The following SLC4A10 variants were observed in gnomAD, a reference collection of about 807,000 sequenced individuals.
SLC4A10 encodes the protein solute carrier family 4 member 10.
A neutral mutation model predicts 137.7 loss-of-function variants in SLC4A10; 42 were observed. The observed-to-expected ratio is 0.30, with a 90% CI of 0.24 to 0.39. The LOEUF (loss-of-function observed/expected upper bound fraction) is 0.39. SLC4A10 is among the 10% of genes least tolerant of loss of function. The probability of loss-of-function intolerance (pLI) is 1.00; values close to 1 mark genes in which losing one functional copy is unlikely to be tolerated. For missense variants in SLC4A10, 925 were observed against 1,355.0 expected (o/e 0.68, Z 4.98); for synonymous variants, 474 against 464.1 (o/e 1.02, Z -0.27).
At chr2:161,792,793 A>G (rs543653187) in intron 2 of SLC4A10, among the ~76,000 whole-genome samples, 2 of 152,156 alleles carry the variant, frequency 1.3e-5, no homozygotes, top group Non-Finnish European at 2.9e-5. Flanking sequence ...TCCATTTCAC[A>G]TTCTTCATTC....
chr2:161,725,246 T>G (rs1189403190), intron 1 of SLC4A10, among the ~76,000 whole-genome samples: 1 of 152,192 alleles, frequency 6.6e-6, no homozygotes, highest in Non-Finnish European at 1.5e-5. Flanking sequence ...GTATGGCACA[T>G]TGACTAGAAG....
intron 1 of SLC4A10, among the ~76,000 whole-genome samples, chr2:161,746,029 C>G (rs2048350639): frequency 6.6e-6 from 1 of 152,100 alleles, no homozygotes; most frequent in Admixed American, 6.5e-5. Context: ...GTTGGGTCAC[C>G]TCTGAAGCCA....
At chr2:161,912,238 C>T (rs1275571689) in intron 15 of SLC4A10, among the ~76,000 whole-genome samples, 1 of 152,116 alleles carries the variant, frequency 6.6e-6, no homozygotes, top group African/African-American at 2.4e-5. Context: ...TTCACACTTT[C>T]TTGTCAAATA....
At chr2:161,872,223 C>T (rs1244259679) in intron 6 of SLC4A10, 70 bp from the exon 7 acceptor site, 38 of 1,120,416 alleles carry the variant, frequency 3.4e-5, no homozygotes, top group South Asian at 1.4e-5. Context: ...AATTGAAGTG[C>T]CTATTTCACT....
intron 1 of SLC4A10, among the ~76,000 whole-genome samples, chr2:161,727,462 G>A (rs201637445): frequency 6.6e-6 from 1 of 152,168 alleles, no homozygotes; most frequent in Non-Finnish European, 1.5e-5. Context: ...CAACATAAAA[G>A]ATAGAAGCCA....
At chr2:161,974,892 CCTCT>C (rs760123612) in intron 24 of SLC4A10, among the ~76,000 whole-genome samples, 2 of 151,888 alleles carry the variant, frequency 1.3e-5, no homozygotes, top group African/African-American at 4.8e-5. Context: ...AGAATTCTCC[CCTCT>C]CTCTCTCTTC....
chr2:161,770,799 T>G (rs543646510), intron 1 of SLC4A10, among the ~76,000 whole-genome samples, 174 bp from the exon 2 acceptor site: 1 of 152,056 alleles, frequency 6.6e-6, no homozygotes, highest in African/African-American at 2.4e-5. Flanking sequence ...GTGGTCAAAT[T>G]TATTTTACTC....
chr2:161,965,214 A>T, intron 23 of SLC4A10, 41 bp downstream of exon 23: 1 of 1,553,364 alleles, frequency 6.4e-7, no homozygotes, highest in Middle Eastern at 1.7e-4. Flanking sequence ...AGAAAAAAGG[A>T]ACATAGTAAT....
chr2:161,746,825 C>T (rs138190558), intron 1 of SLC4A10, among the ~76,000 whole-genome samples: 149 of 152,308 alleles, frequency 9.8e-4, no homozygotes, highest in Admixed American at 3.3e-3. Context: ...TGGGTCCTTA[C>T]TTTCAGGGCA....
At chr2:161,708,659 T>A in intron 1 of SLC4A10, 1 of 1,483,194 alleles carries the variant, frequency 6.7e-7, no homozygotes, top group Non-Finnish European at 8.9e-7. Context: ...CAGATACTGA[T>A]GGACAGATCT....
intron 1 of SLC4A10, among the ~76,000 whole-genome samples, chr2:161,747,821 T>A (rs1351598874): frequency 6.6e-6 from 1 of 152,184 alleles, no homozygotes; most frequent in Non-Finnish European, 1.5e-5. Flanking sequence ...GGAAGAGGGA[T>A]TGATGGATCA....
intron 1 of SLC4A10, among the ~76,000 whole-genome samples, chr2:161,637,821 C>T (rs2034676502): frequency 6.6e-6 from 1 of 152,096 alleles, no homozygotes; most frequent in Non-Finnish European, 1.5e-5. Context: ...AGTGATATCT[C>T]ATTGTGGTTT....
intron 1 of SLC4A10, among the ~76,000 whole-genome samples, chr2:161,707,363 C>T (rs982372228): frequency 1.3e-5 from 2 of 151,148 alleles, no homozygotes; most frequent in African/African-American, 4.8e-5. Flanking sequence ...TTCATAGAGT[C>T]GTGAATTCAG....
chr2:161,930,975 A>T (rs1220523472), intron 15 of SLC4A10, among the ~76,000 whole-genome samples: 1 of 151,640 alleles, frequency 6.6e-6, no homozygotes, highest in Non-Finnish European at 1.5e-5. Context: ...TCTGTGGCCC[A>T]AGCTGAAGTG....
chr2:161,660,556 ATTTCTTTCTTTCTTTC>A (rs574482342), intron 1 of SLC4A10, among the ~76,000 whole-genome samples: 2,308 of 110,408 alleles, frequency 0.021, 37 homozygotes, highest in Non-Finnish European at 0.025. Flanking sequence ...ACTCATCTAT[ATTTCTTTCTTTCTTTC>A]TTTCTTTCTT....
intron 3 of SLC4A10, among the ~76,000 whole-genome samples, chr2:161,816,068 A>C (rs1375548199): frequency 6.6e-6 from 1 of 152,150 alleles, no homozygotes; most frequent in Non-Finnish European, 1.5e-5. Context: ...TTTATTTGCT[A>C]TAATAAGTAC....
chr2:161,949,096 T>C lies in SLC4A10; in HGVS notation c.2266-52T>C. On this transcript the variant is annotated intron_variant, in intron 17 of 26. Transcript: ENST00000446997. ...TGACTCTAGATTATGTTCCTGAGTATTCCTTGATATTTATAGCTACTTTAA... is the reference window on the plus strand; with the variant it reads ...TGACTCTAGATTATGTTCCTGAGTACTCCTTGATATTTATAGCTACTTTAA... 2.6e-6 allele frequency: 3 copies of C among 1,157,388 alleles called. No individual in the cohort carries two copies. In the South Asian group the frequency reaches 3.9e-5, roughly 15 times the overall value. The allele number at this position is 1,157,388 out of a possible 1,614,324, so 71.7% of individuals were successfully genotyped here.
intron 1 of SLC4A10, among the ~76,000 whole-genome samples, chr2:161,677,716 T>C (rs971979015): frequency 6.6e-6 from 1 of 152,164 alleles, no homozygotes; most frequent in Non-Finnish European, 1.5e-5. Flanking sequence ...AAATAAGTCA[T>C]GTGATAGGTT....
chr2:161,920,740 C>CA (rs1301363054), intron 15 of SLC4A10, among the ~76,000 whole-genome samples: 1 of 152,162 alleles, frequency 6.6e-6, no homozygotes, highest in African/African-American at 2.4e-5. Context: ...AGGAAAAGAG[C>CA]AACCTACAAA....
Sources: allele counts gnomAD v4.1 joint callset (sites outside exome capture counted in the v4.1 genomes callset), GRCh38; gene constraint gnomAD v4.1.1; transcripts MANE v1.5; gene names NCBI Gene and HGNC (gene_info 2026-07-23, HGNC 2026-07-21).